The following CPQ variants were observed in gnomAD, a reference collection of about 807,000 sequenced individuals.
CPQ encodes Ser-Met dipeptidase.
Under a neutral mutation model 45.7 loss-of-function variants are expected in CPQ, and 37 were observed. That is an observed-to-expected ratio of 0.81 (90% CI 0.62 to 1.07). The LOEUF (loss-of-function observed/expected upper bound fraction) is 1.07. Ranked by LOEUF, CPQ falls within the 50% of genes least tolerant of loss-of-function variation. The pLI is 0.00. For synonymous variants in CPQ, 186 were observed against 205.8 expected (o/e 0.90, Z 0.82); for missense variants, 537 against 572.9 (o/e 0.94, Z 0.64).
chr8:97,039,640 C>A (rs946663691), intron 6 of CPQ, among the ~76,000 whole-genome samples: 10 of 151,726 alleles, frequency 6.6e-5, no homozygotes, highest in African/African-American at 2.2e-4. Flanking sequence ...CCACTCCCCC[C>A]ACCCCACAAC....
At chr8:96,648,279 T>C (rs996381183) in intron 1 of CPQ, among the ~76,000 whole-genome samples, 6 of 152,206 alleles carry the variant, frequency 3.9e-5, no homozygotes, top group Non-Finnish European at 7.3e-5. Context: ...TGTGATGGAA[T>C]AGACCTTCCC....
chr8:96,677,592 T>G (rs1253600595), intron 1 of CPQ, among the ~76,000 whole-genome samples: 1 of 152,178 alleles, frequency 6.6e-6, no homozygotes, highest in Non-Finnish European at 1.5e-5. Flanking sequence ...ATGCATAGTT[T>G]GTGAATATTT....
chr8:96,823,775 T>C (rs887386127), intron 2 of CPQ, among the ~76,000 whole-genome samples: 1 of 152,062 alleles, frequency 6.6e-6, no homozygotes, highest in Non-Finnish European at 1.5e-5. Context: ...TGAGTTAATG[T>C]AAGTAAAACA....
rs541632249 is a variant in CPQ, at chr8:96,964,811, C to T, written c.850-1124C>T. ...AATTGGTGAAGTTATTCTATGCCTT[C>T]CTCTAAAATCTGTGTTTAGATATGT... On this transcript the variant is annotated intron_variant, in intron 4 of 7. Coordinates refer to ENST00000220763, the MANE Select transcript of CPQ (RefSeq NM_016134.4). Among the ~76,000 whole-genome samples the T allele has an allele frequency of 2.6e-5, 4 of 152,142 alleles. No individual in the cohort carries two copies. In the South Asian group the frequency reaches 8.3e-4, roughly 32 times the overall value.
chr8:96,986,200 G>T (rs1296792486), intron 5 of CPQ, among the ~76,000 whole-genome samples: 1 of 152,142 alleles, frequency 6.6e-6, no homozygotes, highest in Non-Finnish European at 1.5e-5. Context: ...ATGAGTGTTG[G>T]TTAGCTTTTA....
At chr8:96,986,257 T>C (rs1808976396) in intron 5 of CPQ, among the ~76,000 whole-genome samples, 1 of 152,186 alleles carries the variant, frequency 6.6e-6, no homozygotes, top group African/African-American at 2.4e-5. Flanking sequence ...CAAAACTCTC[T>C]TGTTGCCACC....
At chr8:97,119,434 C>A (rs570684433) in intron 7 of CPQ, among the ~76,000 whole-genome samples, 36 of 133,138 alleles carry the variant, frequency 2.7e-4, no homozygotes, top group African/African-American at 1.1e-3. Flanking sequence ...GATTCTGTTT[C>A]TTACACTGTA....
intron 7 of CPQ, among the ~76,000 whole-genome samples, chr8:97,068,044 G>T (rs926013291): frequency 3.3e-5 from 5 of 152,158 alleles, no homozygotes; most frequent in African/African-American, 1.2e-4. Context: ...GGTGGTTCAA[G>T]GTGAGGTAAG....
intron 5 of CPQ, among the ~76,000 whole-genome samples, chr8:96,991,627 T>C (rs1809094720): frequency 6.6e-6 from 1 of 151,518 alleles, no homozygotes; most frequent in Admixed American, 6.6e-5. Context: ...CTAGCTATAA[T>C]TATTTCTTTA....
intron 2 of CPQ, among the ~76,000 whole-genome samples, chr8:96,788,484 G>T (rs1308780752): frequency 6.6e-6 from 1 of 152,030 alleles, no homozygotes; most frequent in East Asian, 1.9e-4. Flanking sequence ...TTGATGAGAT[G>T]TCAGCTGTTA....
At chr8:96,744,793 A>G (rs2130781765) in intron 1 of CPQ, among the ~76,000 whole-genome samples, 1 of 152,296 alleles carries the variant, frequency 6.6e-6, no homozygotes, top group South Asian at 2.1e-4. Flanking sequence ...TTAACCAGGT[A>G]ATCTAGGCAG....
At chr8:96,757,607 A>G (rs987256274) in intron 1 of CPQ, among the ~76,000 whole-genome samples, 4 of 151,324 alleles carry the variant, frequency 2.6e-5, no homozygotes, top group Non-Finnish European at 4.4e-5. Flanking sequence ...GTTTCCTTAT[A>G]TTTTCATATT....
intron 5 of CPQ, among the ~76,000 whole-genome samples, chr8:97,006,329 A>G (rs1809381797): frequency 6.6e-6 from 1 of 151,994 alleles, no homozygotes; most frequent in African/African-American, 2.4e-5. Context: ...ATGTCCTGCC[A>G]TTTCTTAGAT....
At chr8:96,842,151 T>C (rs1387515171) in intron 3 of CPQ, among the ~76,000 whole-genome samples, 1 of 152,178 alleles carries the variant, frequency 6.6e-6, no homozygotes, top group Non-Finnish European at 1.5e-5. Context: ...AAACCAGTTA[T>C]TCTCAGGGAA....
In CPQ at chr8:97,115,582, G is replaced by A. The variant is rs143398407; in HGVS notation, c.1256-27438G>A. 1.4e-3 allele frequency among the ~76,000 whole-genome samples: 211 copies of A among 152,278 alleles called. 3 individuals carry two copies. Among genetic ancestry groups the A allele is most frequent in the Non-Finnish European group, 1.3e-3 (86 of 68,020 alleles). ...CTGTGCCATTTTTAAATTTGTTCTC[G>A]AAATAGTTGATCAGTACCTGACTTA... is the stretch of plus-strand genomic sequence containing the variant. On this transcript the variant is annotated intron_variant, in intron 7 of 7. Coordinates refer to ENST00000220763, the MANE Select transcript of CPQ (RefSeq NM_016134.4).
intron 1 of CPQ, among the ~76,000 whole-genome samples, chr8:96,757,990 A>G (rs1426980637): frequency 1.3e-5 from 2 of 152,196 alleles, no homozygotes; most frequent in East Asian, 1.9e-4. Flanking sequence ...GTTTTTTCAA[A>G]TGTCTAACGG....
chr8:96,882,493 A>G (rs1345259955), intron 4 of CPQ, among the ~76,000 whole-genome samples: 1 of 152,212 alleles, frequency 6.6e-6, no homozygotes, highest in African/African-American at 2.4e-5. Flanking sequence ...GTTTAGGATT[A>G]TAATACTATC....
intron 2 of CPQ, among the ~76,000 whole-genome samples, chr8:96,829,865 C>T (rs181240714): frequency 6.6e-6 from 1 of 152,252 alleles, no homozygotes; most frequent in Non-Finnish European, 1.5e-5. Flanking sequence ...GGAATTTCCT[C>T]ATCTTCCTAT....
chr8:96,710,177 A>G (rs1281220776), intron 1 of CPQ, among the ~76,000 whole-genome samples: 2 of 151,938 alleles, frequency 1.3e-5, no homozygotes, highest in Non-Finnish European at 2.9e-5. Context: ...TTATGTGCAT[A>G]GAAGTGTTCA....
Sources: gnomAD v4.1 joint callset for allele counts (sites outside exome capture counted in the v4.1 genomes callset) on GRCh38, gnomAD v4.1.1 for gene constraint, MANE v1.5 for transcripts, NCBI Gene and HGNC (gene_info 2026-07-23, HGNC 2026-07-21) for gene names.